The following UCHL5 variants were observed in gnomAD, a reference collection of about 807,000 sequenced individuals.
The protein encoded by UCHL5 is ubiquitin C-terminal hydrolase L5.
A neutral mutation model predicts 53.8 loss-of-function variants in UCHL5; 34 were observed. That is an observed-to-expected ratio of 0.63 (90% confidence interval 0.48 to 0.84). The LOEUF is 0.84. Among genes scored for constraint, UCHL5 ranks in the 40% least tolerant of loss-of-function variants. UCHL5 has a pLI of 0.00. For synonymous variants in UCHL5, 111 were observed against 126.3 expected (o/e 0.88, Z 0.81); for missense variants, 290 against 385.6 (o/e 0.75, Z 2.08).
rs1662828438 is a variant in UCHL5 at position 193,034,958 on chromosome 1, A to G, written c.247-5301T>C. The stretch of plus-strand genomic sequence containing the variant: ...AAATAAAAAAGCTGGAGTAAACATC[A>G]TCCTAAATGGAGAAATGGTAAGAGG... On this transcript the variant is annotated intron_variant, in intron 3 of 10. Coordinates refer to ENST00000367454, the MANE Select transcript of UCHL5 (RefSeq NM_001199261.3). Among the ~76,000 whole-genome samples the G allele has an allele frequency of 5.3e-5, 8 of 152,176 alleles. No homozygotes were observed. In the South Asian group the frequency reaches 1.7e-3, roughly 32 times the overall value.
chr1:193,029,786 A>C (rs542527323), intron 3 of UCHL5, 129 bp from the exon 4 acceptor site: 2 of 746,122 alleles, frequency 2.7e-6, no homozygotes, highest in East Asian at 6.1e-5. Flanking sequence ...CATAAACAGA[A>C]TAAATATGTT....
At chr1:193,027,005 A>G (rs1052862807) in intron 7 of UCHL5, among the ~76,000 whole-genome samples, 1 of 152,222 alleles carries the variant, frequency 6.6e-6, no homozygotes, top group Admixed American at 6.5e-5. Context: ...AAGGCTACAT[A>G]TTGTAAAATT....
At chr1:193,043,531 GC>G (rs1376951937) in intron 3 of UCHL5, among the ~76,000 whole-genome samples, 1 of 152,168 alleles carries the variant, frequency 6.6e-6, no homozygotes, top group African/African-American at 2.4e-5. Context: ...AGAGGTCTGG[GC>G]TTTGCCCTTG....
chr1:193,024,171 A>G (rs1658236820), intron 7 of UCHL5, among the ~76,000 whole-genome samples: 1 of 152,052 alleles, frequency 6.6e-6, no homozygotes, highest in African/African-American at 2.4e-5. Context: ...TGAGTTTAGA[A>G]GCTGGAGGCT....
At chr1:193,018,886 T>C in intron 10 of UCHL5, 1 of 1,427,320 alleles carries the variant, frequency 7.0e-7, no homozygotes, top group Non-Finnish European at 9.5e-7. Flanking sequence ...ATAGGTAATT[T>C]TTCTTAGAAG....
At chr1:193,020,316 T>C in intron 10 of UCHL5, 1 of 1,546,210 alleles carries the variant, frequency 6.5e-7, no homozygotes, top group Non-Finnish European at 8.7e-7. Flanking sequence ...CCATGTATTC[T>C]CGTCTTTAAG....
intron 7 of UCHL5, among the ~76,000 whole-genome samples, chr1:193,024,421 T>A (rs1402160702): frequency 6.6e-6 from 1 of 151,472 alleles, no homozygotes; most frequent in Non-Finnish European, 1.5e-5. Flanking sequence ...TGGCAACACA[T>A]TAACTTAAGA....
chr1:193,044,552 C>T (rs1409614050), intron 3 of UCHL5, among the ~76,000 whole-genome samples: 1 of 152,148 alleles, frequency 6.6e-6, no homozygotes, highest in East Asian at 1.9e-4. Flanking sequence ...CAGACACACA[C>T]ACACACGCAA....
At position 193,015,557 on chromosome 1, in the gene UCHL5, G is replaced by T. The variant is rs2102221556; in HGVS notation, c.*794C>A. 1 of 152,092 alleles carries T rather than the reference G, an allele frequency of 6.6e-6. No individual in the cohort carries two copies. The highest frequency in any genetic ancestry group is 2.1e-4 in the South Asian group (1 of 4,830). 9.4% of individuals were successfully genotyped at this position (152,092 alleles called of 1,614,324 possible). On this transcript the variant is annotated 3_prime_UTR_variant, in exon 11 of 11. Coordinates refer to ENST00000367454, the MANE Select transcript of UCHL5 (RefSeq NM_001199261.3). ...CCACTACCATCTTTTTAAAAAAGCA[G>T]ATAACATGAACTGTCAGACCTCCAG...
chr1:193,040,150 T>C (rs953022847), intron 3 of UCHL5, among the ~76,000 whole-genome samples: 1 of 152,026 alleles, frequency 6.6e-6, no homozygotes, highest in Non-Finnish European at 1.5e-5. Flanking sequence ...ATGAATAGGA[T>C]TACATCAAAC....
At chr1:193,035,631 C>T (rs1044568791) in intron 3 of UCHL5, among the ~76,000 whole-genome samples, 2 of 151,898 alleles carry the variant, frequency 1.3e-5, no homozygotes, top group African/African-American at 2.4e-5. Context: ...AACACTAATG[C>T]GCAAAACCAA....
At chr1:193,027,881 G>C in intron 7 of UCHL5, 1 of 1,467,376 alleles carries the variant, frequency 6.8e-7, no homozygotes, top group Non-Finnish European at 9.0e-7. Context: ...CTACCACTTT[G>C]GGAGGTCGAG....
intron 3 of UCHL5, among the ~76,000 whole-genome samples, chr1:193,046,491 C>A (rs1667361089): frequency 6.6e-6 from 1 of 151,974 alleles, no homozygotes; most frequent in Admixed American, 6.6e-5. Context: ...TGGGTTTGCA[C>A]CCTAGCTCTG....
At chr1:193,034,441 T>G (rs1662639564) in intron 3 of UCHL5, among the ~76,000 whole-genome samples, 1 of 151,968 alleles carries the variant, frequency 6.6e-6, no homozygotes, top group Non-Finnish European at 1.5e-5. Context: ...ACTACTGAAA[T>G]GAAGCAGTAT....
intron 10 of UCHL5, chr1:193,018,491 G>A: frequency 1.9e-6 from 2 of 1,046,884 alleles, no homozygotes; most frequent in Non-Finnish European, 2.3e-6. Flanking sequence ...TATATTTTTG[G>A]ATTACCTCCT....
chr1:193,035,550 A>T (rs540949388), intron 3 of UCHL5, among the ~76,000 whole-genome samples: 28 of 152,270 alleles, frequency 1.8e-4, no homozygotes, highest in Admixed American at 1.1e-3. Flanking sequence ...ACAAAAGCTG[A>T]GAGAAGTGGC....
At chr1:193,032,936 A>C (rs919621134) in intron 3 of UCHL5, among the ~76,000 whole-genome samples, 2 of 152,242 alleles carry the variant, frequency 1.3e-5, no homozygotes, top group African/African-American at 4.8e-5. Context: ...GTGGGAGTGT[A>C]AATTTGTTCA....
chr1:193,038,478 T>G (rs1472166650), intron 3 of UCHL5, among the ~76,000 whole-genome samples: 1 of 148,462 alleles, frequency 6.7e-6, no homozygotes, highest in South Asian at 2.1e-4. Flanking sequence ...AAAACCACAG[T>G]CTTTCCTCTA....
chr1:193,019,934 AT>A (rs1430385979), intron 10 of UCHL5: 1 of 977,850 alleles, frequency 1.0e-6, no homozygotes, highest in East Asian at 1.1e-4. Flanking sequence ...TTATTTTAAT[AT>A]TTTTAACAGA....
Sources: allele counts gnomAD v4.1 joint callset (sites outside exome capture counted in the v4.1 genomes callset), GRCh38; gene constraint gnomAD v4.1.1; transcripts MANE v1.5; gene names NCBI Gene and HGNC (gene_info 2026-07-23, HGNC 2026-07-21).